Variants in SCARB2 observed in about 807,000 individuals in gnomAD.
SCARB2 encodes lysosome membrane protein 2.
In SCARB2, 29 loss-of-function variants were observed where a neutral mutation model predicts 58.6. The ratio of observed to expected loss-of-function variants is 0.49; its 90% CI spans 0.37 to 0.67. The LOEUF is 0.67. Among genes scored for constraint, SCARB2 ranks in the 30% least tolerant of loss-of-function variants. SCARB2 has a pLI of 0.00. For missense variants in SCARB2, 488 were observed against 578.5 expected (o/e 0.84, Z 1.60); for synonymous variants, 195 against 210.1 (o/e 0.93, Z 0.62).
At chr4:76,221,707 AAC>A (rs745380168) in intron 1 of SCARB2, among the ~76,000 whole-genome samples, 42 of 152,214 alleles carry the variant, frequency 2.8e-4, no homozygotes, top group Non-Finnish European at 5.6e-4. Context: ...CTAAGCATCA[AAC>A]ACACACGGAC....
At chr4:76,233,527 T>C (rs1405098876) in intron 1 of SCARB2, among the ~76,000 whole-genome samples, 1 of 152,112 alleles carries the variant, frequency 6.6e-6, no homozygotes, top group Non-Finnish European at 1.5e-5. Flanking sequence ...ATCTGAGCAC[T>C]TGTCTTTCTT....
intron 2 of SCARB2, among the ~76,000 whole-genome samples, chr4:76,187,714 T>C (rs1470941594): frequency 6.6e-6 from 1 of 152,192 alleles, no homozygotes; most frequent in African/African-American, 2.4e-5. Context: ...TTAGTTAGCA[T>C]TGGTTATTTT....
chr4:76,160,915 A>C lies in SCARB2; in HGVS notation c.*798T>G, dbSNP rs1041702903. 6.6e-6 allele frequency: 1 copy of C among 152,188 alleles called. No homozygotes were observed. Among genetic ancestry groups the C allele is most frequent in the Middle Eastern group, 3.2e-3 (1 of 316 alleles). The allele number at this position is 152,188 out of a possible 1,614,324, so 9.4% of individuals were successfully genotyped here. A position where few individuals can be genotyped will look rare whatever the true frequency, so the allele number is the denominator to read the frequency against. On this transcript the variant is annotated 3_prime_UTR_variant, in exon 12 of 12. Coordinates refer to ENST00000264896, the MANE Select transcript of SCARB2 (RefSeq NM_005506.4). ...TTCGTAGCATGATCATTTTGACTAA[A>C]AAAAAAACAGTTAACTATCCACAAG...
rs1356858007 is a variant in SCARB2, at chr4:76,166,268, T to C, written c.1221A>G (p.Pro407=). The part of the protein sequence containing the change: ...ETGDIRTMVF[P]VMYLNESVHI... ...GACTTACCTCATTGAGGTACATCAC[T>C]GGGAAAACCATGGTTCTAATGTCTC... is the stretch of plus-strand genomic sequence containing the variant. The change falls in exon 10 of 12, where the codon CCA becomes CCG. Residue 407 remains proline (P), a synonymous_variant. Coordinates refer to ENST00000264896, the MANE Select transcript of SCARB2 (RefSeq NM_005506.4). The C allele has an allele frequency of 6.2e-7, 1 of 1,614,088 alleles. No homozygotes were observed. Among genetic ancestry groups the C allele is most frequent in the East Asian group, 2.2e-5 (1 of 44,892 alleles).
intron 11 of SCARB2, chr4:76,161,961 A>ACC (rs1349967799): frequency 3.2e-5 from 20 of 623,574 alleles, no homozygotes; most frequent in Non-Finnish European, 5.8e-6. Flanking sequence ...GACCACTCCC[A>ACC]CCCTCAATAC....
intron 2 of SCARB2, among the ~76,000 whole-genome samples, chr4:76,190,350 G>A (rs760931805): frequency 2.1e-4 from 32 of 152,086 alleles, no homozygotes; most frequent in African/African-American, 5.1e-4. Context: ...GAGAGTATCC[G>A]AAGTCAGGCA....
chr4:76,197,073 A>C (rs1183465729), intron 1 of SCARB2, among the ~76,000 whole-genome samples: 1 of 152,224 alleles, frequency 6.6e-6, no homozygotes, highest in Non-Finnish European at 1.5e-5. Flanking sequence ...CTACAAGCCA[A>C]GAAGACAGGC....
intron 4 of SCARB2, 196 bp downstream of exon 4, chr4:76,179,321 T>C (rs894560196): frequency 1.5e-5 from 9 of 581,248 alleles, no homozygotes; most frequent in Non-Finnish European, 2.7e-5. Flanking sequence ...CCCAAAGTCC[T>C]GGAATTACAG....
At chr4:76,162,012 C>G (rs1731909562) in intron 11 of SCARB2, 1 of 547,234 alleles carries the variant, frequency 1.8e-6, no homozygotes. Flanking sequence ...GATTATAAAA[C>G]TTAGACTCTA....
chr4:76,179,878 C>A, intron 3 of SCARB2, 173 bp from the exon 4 acceptor site: 1 of 683,344 alleles, frequency 1.5e-6, no homozygotes, highest in Non-Finnish European at 2.6e-6. Flanking sequence ...AAGACAAAGC[C>A]TCTTCTCTGT....
intron 1 of SCARB2, among the ~76,000 whole-genome samples, chr4:76,231,653 G>A (rs1233976758): frequency 3.3e-5 from 5 of 152,274 alleles, no homozygotes; most frequent in Middle Eastern, 6.8e-3. Context: ...AAGGCCTTTC[G>A]GATTGGCTTC....
At chr4:76,166,903 T>C (rs1182231034) in intron 9 of SCARB2, 2 of 153,394 alleles carry the variant, frequency 1.3e-5, no homozygotes, top group African/African-American at 4.8e-5. Flanking sequence ...GATATGCAGA[T>C]GACAAAATGC....
chr4:76,194,885 A>G (rs1054218469), intron 2 of SCARB2: 2 of 152,148 alleles, frequency 1.3e-5, no homozygotes, highest in African/African-American at 2.4e-5. Flanking sequence ...AGTGTTTGGA[A>G]TTGGTGGTCA....
At chr4:76,226,996 C>T (rs1257013077) in intron 1 of SCARB2, among the ~76,000 whole-genome samples, 1 of 47,484 alleles carries the variant, frequency 2.1e-5, no homozygotes. Flanking sequence ...ATTTGTCTTT[C>T]GAATTTTGTT....
intron 1 of SCARB2, among the ~76,000 whole-genome samples, chr4:76,230,630 A>G (rs1733476240): frequency 6.6e-6 from 1 of 152,154 alleles, no homozygotes; most frequent in African/African-American, 2.4e-5. Context: ...TTCCTAGCAG[A>G]TATCTGGGGT....
intron 2 of SCARB2, chr4:76,193,447 C>A (rs1391358367): frequency 6.6e-6 from 1 of 152,248 alleles, no homozygotes; most frequent in Admixed American, 6.5e-5. Flanking sequence ...CCTTGAGACA[C>A]CAGAATGGTA....
chr4:76,189,015 T>C (rs1314853469), intron 2 of SCARB2, among the ~76,000 whole-genome samples: 1 of 152,244 alleles, frequency 6.6e-6, no homozygotes, highest in Non-Finnish European at 1.5e-5. Flanking sequence ...AACTGCGTTT[T>C]TTGTCATTAC....
intron 1 of SCARB2, among the ~76,000 whole-genome samples, chr4:76,210,629 T>A (rs981822728): frequency 2.0e-5 from 3 of 152,248 alleles, no homozygotes; most frequent in Admixed American, 2.0e-4. Flanking sequence ...AGTACTATTA[T>A]GCCTCTCTTG....
intron 10 of SCARB2, 60 bp downstream of exon 10, chr4:76,166,190 T>C: frequency 6.6e-7 from 1 of 1,505,032 alleles, no homozygotes; most frequent in Non-Finnish European, 9.3e-7. Context: ...ACAGTAGACA[T>C]CATAATGGAT....
Sources: gnomAD v4.1 joint callset for allele counts (sites outside exome capture counted in the v4.1 genomes callset) on GRCh38, gnomAD v4.1.1 for gene constraint, MANE v1.5 for transcripts, NCBI Gene and HGNC (gene_info 2026-07-23, HGNC 2026-07-21) for gene names.